Variants in HCN1 observed in about 807,000 individuals in gnomAD.
The protein encoded by HCN1 is hyperpolarization activated cyclic nucleotide gated potassium channel 1.
In HCN1, 13 loss-of-function variants were observed where a neutral mutation model predicts 78.9. That is an observed-to-expected ratio of 0.16 (90% confidence interval 0.11 to 0.26). The LOEUF is 0.26. HCN1 is among the 10% of genes least tolerant of loss of function. The pLI is 1.00. For missense variants in HCN1, 810 were observed against 1,154.3 expected (o/e 0.70, Z 4.32); for synonymous variants, 552 against 455.5 (o/e 1.21, Z -2.70).
intron 5 of HCN1, among the ~76,000 whole-genome samples, chr5:45,343,611 C>A (rs962672317): frequency 2.6e-5 from 4 of 152,070 alleles, no homozygotes; most frequent in African/African-American, 9.7e-5. Context: ...TACAGAGAGA[C>A]TTTAAGAGAT....
chr5:45,383,618 CAGGAGGCAGAGGTTGCGGTGAGCTG>C (rs1171941790), intron 4 of HCN1, among the ~76,000 whole-genome samples: 1 of 151,860 alleles, frequency 6.6e-6, no homozygotes, highest in Non-Finnish European at 1.5e-5. Context: ...CGCTTGAACT[CAGGAGGCAGAGGTTGCGGTGAGCTG>C]AGGAGACAGA....
intron 5 of HCN1, among the ~76,000 whole-genome samples, chr5:45,334,807 T>C (rs1746421117): frequency 6.6e-6 from 1 of 152,148 alleles, no homozygotes; most frequent in Non-Finnish European, 1.5e-5. Context: ...GCCTGTTACA[T>C]GAATATCTTA....
Position 45,461,390 on chromosome 5 carries a change from T to A in HCN1, c.1011+456A>T, listed in dbSNP as rs145987941. Among the ~76,000 whole-genome samples, 165 of 152,274 alleles carry A rather than the reference T, an allele frequency of 1.1e-3. 1 individual carries two copies. The highest frequency in any genetic ancestry group is 6.6e-3 in the East Asian group (34 of 5,188). On this transcript the variant is annotated intron_variant, in intron 3 of 7. Coordinates refer to ENST00000303230, the MANE Select transcript of HCN1 (RefSeq NM_021072.4). ...CAAAAAGTAGTATCTGAAACTTCAT[T>A]TGGCTTCATACATATTTAATCTATA... is the stretch of plus-strand genomic sequence containing the variant.
At chr5:45,611,545 T>C (rs1317702482) in intron 2 of HCN1, among the ~76,000 whole-genome samples, 9 of 152,046 alleles carry the variant, frequency 5.9e-5, no homozygotes, top group African/African-American at 1.7e-4. Flanking sequence ...GTTCTGGGAT[T>C]ACATGCATGA....
At chr5:45,348,285 G>T (rs886983231) in intron 5 of HCN1, among the ~76,000 whole-genome samples, 6 of 151,828 alleles carry the variant, frequency 4.0e-5, no homozygotes, top group Non-Finnish European at 8.8e-5. Flanking sequence ...AAGTGAAGGA[G>T]AAATAAAATA....
At chr5:45,542,458 T>C (rs1237790576) in intron 2 of HCN1, among the ~76,000 whole-genome samples, 1 of 152,068 alleles carries the variant, frequency 6.6e-6, no homozygotes, top group Non-Finnish European at 1.5e-5. Context: ...GTTAACATAG[T>C]TTTAGCACTA....
intron 2 of HCN1, among the ~76,000 whole-genome samples, chr5:45,563,468 A>T (rs1361161028): frequency 6.6e-6 from 1 of 151,898 alleles, no homozygotes; most frequent in Admixed American, 6.6e-5. Flanking sequence ...ATAAATAAAT[A>T]AAATAAAATA....
intron 2 of HCN1, among the ~76,000 whole-genome samples, chr5:45,636,404 T>C (rs1007402111): frequency 1.3e-5 from 2 of 152,174 alleles, no homozygotes; most frequent in Admixed American, 1.3e-4. Context: ...GTAGCCATAA[T>C]ATATATGGTA....
intron 2 of HCN1, among the ~76,000 whole-genome samples, chr5:45,589,518 G>C (rs1744310755): frequency 6.6e-6 from 1 of 152,098 alleles, no homozygotes; most frequent in African/African-American, 2.4e-5. Context: ...TTATGAAAGA[G>C]GTACAGGAAA....
rs376434225 is a variant in HCN1, at chr5:45,267,256, A to G, written c.1619-3T>C. 162 of 1,613,662 alleles carry G rather than the reference A, an allele frequency of 1.0e-4. No individual in the cohort carries two copies. In the African/African-American group the frequency reaches 1.8e-3, roughly 18 times the overall value. ...TCCTTTGGTCAGCAGGCAAATCTCT[A>G]TAAAAACAAACAACAAAGAAGAATG... On this transcript the variant is annotated splice_polypyrimidine_tract_variant and splice_region_variant and intron_variant, in intron 6 of 7. Coordinates refer to ENST00000303230, the MANE Select transcript of HCN1 (RefSeq NM_021072.4).
chr5:45,694,961 G>C (rs955952133), intron 1 of HCN1: 2 of 152,150 alleles, frequency 1.3e-5, no homozygotes, highest in African/African-American at 4.8e-5. Flanking sequence ...TTCAGAAAGG[G>C]GCTCTGTCAA....
chr5:45,319,190 C>T lies in HCN1; in HGVS notation c.1378-15351G>A, dbSNP rs115629489. On this transcript the variant is annotated intron_variant, in intron 5 of 7. Transcript: ENST00000303230. ...GAACATTCTTGAAGCATCTTATGCACTGATTTGGCTTGAGTGTACACCATA... is the reference window on the plus strand; with the variant it reads ...GAACATTCTTGAAGCATCTTATGCATTGATTTGGCTTGAGTGTACACCATA... 2.2e-3 allele frequency among the ~76,000 whole-genome samples: 336 copies of T among 152,044 alleles called. 2 individuals are homozygous for T. Among genetic ancestry groups the T allele is most frequent in the African/African-American group, 7.9e-3 (327 of 41,522 alleles).
At chr5:45,418,254 G>A (rs1478758624) in intron 3 of HCN1, among the ~76,000 whole-genome samples, 5 of 151,402 alleles carry the variant, frequency 3.3e-5, no homozygotes, top group Admixed American at 1.3e-4. Context: ...AGCAAAGAAA[G>A]GTGAGAAAAC....
chr5:45,290,696 T>G (rs547658986), intron 6 of HCN1, among the ~76,000 whole-genome samples: 1 of 152,174 alleles, frequency 6.6e-6, no homozygotes, highest in South Asian at 2.1e-4. Flanking sequence ...GTAAAAATCA[T>G]GTGTTAGTCA....
At chr5:45,477,365 A>T (rs1222141129) in intron 2 of HCN1, among the ~76,000 whole-genome samples, 1 of 152,184 alleles carries the variant, frequency 6.6e-6, no homozygotes. Flanking sequence ...TCTACAGAAG[A>T]AATATCACAA....
chr5:45,317,068 T>C (rs1411101621), intron 5 of HCN1, among the ~76,000 whole-genome samples: 4 of 152,056 alleles, frequency 2.6e-5, no homozygotes. Context: ...AAAAACTACT[T>C]TAAAGTTCAT....
intron 2 of HCN1, among the ~76,000 whole-genome samples, chr5:45,549,590 A>T (rs1743315101): frequency 6.6e-6 from 1 of 152,188 alleles, no homozygotes. Context: ...GGCATGGGCA[A>T]GTACTTCATG....
chr5:45,317,075 T>A (rs1746009298), intron 5 of HCN1, among the ~76,000 whole-genome samples: 1 of 152,068 alleles, frequency 6.6e-6, no homozygotes, highest in African/African-American at 2.4e-5. Context: ...ACTTTAAAGT[T>A]CATATGGGGC....
At chr5:45,310,191 T>G (rs1191143128) in intron 5 of HCN1, among the ~76,000 whole-genome samples, 2 of 152,144 alleles carry the variant, frequency 1.3e-5, no homozygotes, top group Admixed American at 1.3e-4. Flanking sequence ...AAAGAGCTTC[T>G]ACACACCAAA....
Sources: allele counts gnomAD v4.1 joint callset (sites outside exome capture counted in the v4.1 genomes callset), GRCh38; gene constraint gnomAD v4.1.1; transcripts MANE v1.5; gene names NCBI Gene and HGNC (gene_info 2026-07-23, HGNC 2026-07-21).